PNLIPRP3: variants seen among roughly 807,000 people sequenced by gnomAD.
PNLIPRP3 encodes the protein pancreatic lipase-related protein 3.
A neutral mutation model predicts 52.8 loss-of-function variants in PNLIPRP3; 58 were observed. The observed-to-expected ratio is 1.10, with a 90% CI of 0.89 to 1.37. PNLIPRP3 has a LOEUF of 1.37. Ranked by LOEUF, PNLIPRP3 falls within the 40% of genes most tolerant of loss-of-function variation. PNLIPRP3 has a pLI of 0.00. For synonymous variants in PNLIPRP3, 192 were observed against 185.0 expected (o/e 1.04, Z -0.31); for missense variants, 593 against 561.6 (o/e 1.06, Z -0.57).
intron 5 of PNLIPRP3, 52 bp from the exon 6 acceptor site, chr10:116,460,914 A>G (rs936148996): frequency 7.9e-5 from 125 of 1,584,008 alleles, no homozygotes; most frequent in Non-Finnish European, 1.1e-4. Context: ...CAAAGTAACA[A>G]CAATATTAAT....
chr10:116,461,336 A>AT, intron 7 of PNLIPRP3, 46 bp downstream of exon 7: 1 of 1,587,218 alleles, frequency 6.3e-7, no homozygotes, highest in South Asian at 1.1e-5. Context: ...ATATTCACTT[A>AT]GCTCTCTCCT....
chr10:116,467,208 T>G (rs1846293948), intron 8 of PNLIPRP3, among the ~76,000 whole-genome samples: 3 of 152,192 alleles, frequency 2.0e-5, no homozygotes. Context: ...CGTACTTTAT[T>G]GTACTGTACC....
chr10:116,435,799 G>A (rs1417762027), intron 1 of PNLIPRP3, among the ~76,000 whole-genome samples: 1 of 152,156 alleles, frequency 6.6e-6, no homozygotes, highest in African/African-American at 2.4e-5. Context: ...TAAGTTGTGT[G>A]AGTTCCTTAG....
chr10:116,441,020 AACCTATTCTGT>A (rs1845850746), intron 2 of PNLIPRP3, among the ~76,000 whole-genome samples: 1 of 152,166 alleles, frequency 6.6e-6, no homozygotes, highest in Non-Finnish European at 1.5e-5. Context: ...TCCTCTCGAT[AACCTATTCTGT>A]ACAATATTGA....
At chr10:116,474,641 A>AT (rs1354493254) in intron 10 of PNLIPRP3, among the ~76,000 whole-genome samples, 2 of 152,218 alleles carry the variant, frequency 1.3e-5, no homozygotes, top group Admixed American at 1.3e-4. Context: ...CGGGCAAAGG[A>AT]CATCAACAGA....
At chr10:116,475,178 C>T (rs548813375) in intron 10 of PNLIPRP3, among the ~76,000 whole-genome samples, 11 of 152,262 alleles carry the variant, frequency 7.2e-5, no homozygotes, top group Admixed American at 1.3e-4. Flanking sequence ...CAAACTAATG[C>T]AGGAACAGGA....
At chr10:116,445,738 G>A (rs550067745) in intron 4 of PNLIPRP3, among the ~76,000 whole-genome samples, 1 of 152,176 alleles carries the variant, frequency 6.6e-6, no homozygotes, top group African/African-American at 2.4e-5. Flanking sequence ...GAATTGAATA[G>A]GCAGCCTTGA....
chr10:116,468,152 A>G (rs890983104), intron 8 of PNLIPRP3, among the ~76,000 whole-genome samples: 2 of 131,370 alleles, frequency 1.5e-5, no homozygotes, highest in Admixed American at 7.9e-5. Flanking sequence ...AAAAAAAAAA[A>G]GCAACGTCTA....
rs139899035 is a variant in PNLIPRP3 at position 116,467,363 on chromosome 10, C to A, written c.927+1195C>A. On this transcript the variant is annotated intron_variant, in intron 8 of 11. Transcript: ENST00000369230. ...CTATGATCATGCCTCTGAATAACAA[C>A]TGCATTCCAGACTGGGTGACAAATT... Among the ~76,000 whole-genome samples the A allele has an allele frequency of 4.8e-3, 726 of 152,184 alleles. 6 individuals carry two copies. Among genetic ancestry groups the A allele is most frequent in the African/African-American group, 0.016 (660 of 41,514 alleles).
chr10:116,476,940 T>C, intron 11 of PNLIPRP3, 121 bp downstream of exon 11: 1 of 1,256,130 alleles, frequency 8.0e-7, no homozygotes, highest in Non-Finnish European at 1.1e-6. Context: ...AATTTTGCAA[T>C]TAAAGAAAGG....
chr10:116,461,644 C>A (rs1846194056), intron 7 of PNLIPRP3, among the ~76,000 whole-genome samples: 1 of 152,096 alleles, frequency 6.6e-6, no homozygotes, highest in Non-Finnish European at 1.5e-5. Context: ...AAAGGTGCCT[C>A]CCTGATGGAG....
chr10:116,466,125 C>T lies in PNLIPRP3; in HGVS notation c.884C>T (p.Ala295Val), dbSNP rs1272224845. 2.5e-6 allele frequency: 4 copies of T among 1,613,038 alleles called. No homozygotes were observed. Among genetic ancestry groups the T allele is most frequent in the Non-Finnish European group, 3.4e-6 (4 of 1,179,358 alleles). Reference sequence around the variant, plus strand: ...GCTGAAAGCATTCTTAATCCTGATGCATTTATTGCTTATCCTTGTAGATCC... The same window carrying T: ...GCTGAAAGCATTCTTAATCCTGATGTATTTATTGCTTATCCTTGTAGATCC... ...FYAESILNPD[A>V]FIAYPCRSYT... Residue 295 changes from alanine (A) to valine (V), a missense_variant, in exon 8 of 12, where the codon GCA becomes GTA. Coordinates refer to ENST00000369230, the MANE Select transcript of PNLIPRP3 (RefSeq NM_001011709.3).
chr10:116,460,402 TGA>T (rs1322294989), intron 5 of PNLIPRP3, among the ~76,000 whole-genome samples: 4 of 152,340 alleles, frequency 2.6e-5, no homozygotes, highest in African/African-American at 9.6e-5. Flanking sequence ...CGCAATGGGA[TGA>T]GAGTCTGGAC....
At chr10:116,463,435 T>A (rs1184405534) in intron 7 of PNLIPRP3, among the ~76,000 whole-genome samples, 1 of 152,134 alleles carries the variant, frequency 6.6e-6, no homozygotes, top group Non-Finnish European at 1.5e-5. Flanking sequence ...AGGACCTCTC[T>A]CCCCAGACAG....
At chr10:116,458,007 A>C (rs1289632298) in intron 5 of PNLIPRP3, among the ~76,000 whole-genome samples, 1 of 152,158 alleles carries the variant, frequency 6.6e-6, no homozygotes, top group East Asian at 1.9e-4. Context: ...CTGAGACCTC[A>C]CAAACAGATT....
intron 9 of PNLIPRP3, among the ~76,000 whole-genome samples, chr10:116,470,805 G>T (rs1449379994): frequency 6.6e-6 from 1 of 152,152 alleles, no homozygotes; most frequent in African/African-American, 2.4e-5. Context: ...CCCGAGCCCG[G>T]CCCACACCAA....
Position 116,455,766 on chromosome 10 carries a change from C to T in PNLIPRP3, c.501C>T (p.His167=), listed in dbSNP as rs762017430. The change falls in exon 5 of 12, where the codon CAC becomes CAT. Residue 167 remains histidine, a synonymous_variant. Coordinates refer to ENST00000369230, the MANE Select transcript of PNLIPRP3 (RefSeq NM_001011709.3). ...CTTCTAAAGTGCACTTGATTGGCCA[C>T]AGCTTGGGAGCACACCTGGCTGGGG... ...YSPSKVHLIG[H]SLGAHLAGEA... The T allele has an allele frequency of 5.0e-6, 8 of 1,613,890 alleles. No homozygotes were observed. The highest frequency in any genetic ancestry group is 6.8e-6 in the Non-Finnish European group (8 of 1,180,002).
chr10:116,471,803 A>G lies in PNLIPRP3; in HGVS notation c.1096A>G (p.Ser366Gly), dbSNP rs752702303. 6 of 1,611,628 alleles carry G rather than the reference A, an allele frequency of 3.7e-6. No homozygotes were observed. The African/African-American group carries it at 5.4e-5, about 14-fold the overall frequency. Reference sequence around the variant, plus strand: ...CAAATTGTCTGTTAAACTCAGTGGAAGCGAAGTCACTCAAGGAACTGTCTT... The same window carrying G: ...CAAATTGTCTGTTAAACTCAGTGGAGGCGAAGTCACTCAAGGAACTGTCTT... The part of the protein sequence containing the change: ...RHKLSVKLSG[S>G]EVTQGTVFLR... Residue 366 changes from serine (S) to glycine (G), a missense_variant, in exon 10 of 12, where the codon AGC becomes GGC. By Grantham distance (56) the Ser-to-Gly change is moderately conservative (BLOSUM62 0). Transcript: ENST00000369230.
At chr10:116,462,908 T>C (rs1352410521) in intron 7 of PNLIPRP3, among the ~76,000 whole-genome samples, 1 of 152,228 alleles carries the variant, frequency 6.6e-6, no homozygotes, top group African/African-American at 2.4e-5. Flanking sequence ...ACATTTATCA[T>C]TCATGTTAAA....
Sources: allele counts gnomAD v4.1 joint callset (sites outside exome capture counted in the v4.1 genomes callset), GRCh38; gene constraint gnomAD v4.1.1; transcripts MANE v1.5; gene names NCBI Gene and HGNC (gene_info 2026-07-23, HGNC 2026-07-21).